Variants in RBFOX1 observed in about 807,000 individuals in gnomAD.
RBFOX1 encodes RNA binding fox-1 homolog 1.
A neutral mutation model predicts 57.7 loss-of-function variants in RBFOX1; 8 were observed. That is an observed-to-expected ratio of 0.14 (90% CI 0.08 to 0.25). The LOEUF is 0.25. Among genes scored for constraint, RBFOX1 ranks in the 10% least tolerant of loss-of-function variants. The pLI is 1.00. For missense variants in RBFOX1, 611 were observed against 548.5 expected (o/e 1.11, Z -1.14); for synonymous variants, 326 against 222.4 (o/e 1.47, Z -4.15).
chr16:6,210,752 G>T (rs912655949), intron 1 of RBFOX1, among the ~76,000 whole-genome samples: 2 of 151,886 alleles, frequency 1.3e-5, no homozygotes, highest in Admixed American at 6.6e-5. Context: ...GAAAAGAAAA[G>T]AAAAAAATTA....
At chr16:5,925,004 T>A (rs189849918) in intron 4 of RBFOX1, among the ~76,000 whole-genome samples, 74 of 152,264 alleles carry the variant, frequency 4.9e-4, no homozygotes, top group African/African-American at 1.7e-3. Context: ...TAGTTAGAAA[T>A]TGAGGGTCAT....
At chr16:6,674,782 G>T (rs537022131) in intron 3 of RBFOX1, among the ~76,000 whole-genome samples, 1 of 152,194 alleles carries the variant, frequency 6.6e-6, no homozygotes. Context: ...GGCAAGGAAG[G>T]ATTCTTTCCT....
intron 3 of RBFOX1, among the ~76,000 whole-genome samples, chr16:5,642,662 C>G (rs1000186186): frequency 1.3e-5 from 2 of 152,112 alleles, no homozygotes; most frequent in Admixed American, 6.5e-5. Flanking sequence ...TAGAAGCTGG[C>G]TAGCCGATGA....
intron 2 of RBFOX1, among the ~76,000 whole-genome samples, chr16:6,417,329 C>T (rs1447455363): frequency 1.3e-5 from 2 of 150,584 alleles, no homozygotes; most frequent in Non-Finnish European, 3.0e-5. Flanking sequence ...CCTTTCTTTC[C>T]CTTTCCATCG....
intron 2 of RBFOX1, among the ~76,000 whole-genome samples, chr16:6,454,595 C>T (rs572299608): frequency 1.3e-5 from 2 of 152,198 alleles, no homozygotes; most frequent in African/African-American, 4.8e-5. Context: ...AAACAAAAAA[C>T]ACCTTAAACA....
At chr16:6,146,758 C>T (rs2152713739) in intron 1 of RBFOX1, among the ~76,000 whole-genome samples, 1 of 152,206 alleles carries the variant, frequency 6.6e-6, no homozygotes, top group African/African-American at 2.4e-5. Flanking sequence ...TTTACTGAAC[C>T]TTCCGGAGTG....
chr16:6,024,766 G>C lies in RBFOX1; in HGVS notation c.-127+4774G>C, dbSNP rs141577488. ...CTCAAAGTGCTAGGATTACAGGCGT[G>C]AGCCACCACGCCCAGCCTCATTCAC... On this transcript the variant is annotated intron_variant, in intron 1 of 15. Coordinates refer to ENST00000550418, the MANE Select transcript of RBFOX1 (RefSeq NM_018723.4). 2.3e-3 allele frequency among the ~76,000 whole-genome samples: 343 copies of C among 152,334 alleles called. 1 individual carries two copies. The highest frequency in any genetic ancestry group is 7.9e-3 in the African/African-American group (329 of 41,568).
chr16:6,958,131 G>GT (rs1306810553), intron 3 of RBFOX1, among the ~76,000 whole-genome samples: 24 of 152,112 alleles, frequency 1.6e-4, no homozygotes, highest in Non-Finnish European at 2.8e-4. Flanking sequence ...GATTTTGCAC[G>GT]TTTTTTGAGA....
At chr16:5,842,488 C>T (rs553165546) in intron 3 of RBFOX1, among the ~76,000 whole-genome samples, 106 of 152,296 alleles carry the variant, frequency 7.0e-4, no homozygotes, top group Non-Finnish European at 1.3e-3. Context: ...GCATGCCTGC[C>T]ACTGTGTCAT....
At chr16:5,991,055 T>C (rs1488398829) in intron 4 of RBFOX1, among the ~76,000 whole-genome samples, 1 of 152,224 alleles carries the variant, frequency 6.6e-6, no homozygotes. Flanking sequence ...GGAAAATTCT[T>C]GTGAAACAAG....
intron 3 of RBFOX1, among the ~76,000 whole-genome samples, chr16:5,758,321 A>G (rs761675304): frequency 4.6e-5 from 7 of 152,180 alleles, no homozygotes; most frequent in Non-Finnish European, 7.3e-5. Context: ...TCTCGGCTCT[A>G]TTATAACAGT....
intron 3 of RBFOX1, among the ~76,000 whole-genome samples, chr16:6,850,812 T>C (rs1215163444): frequency 6.6e-6 from 1 of 152,214 alleles, no homozygotes; most frequent in East Asian, 1.9e-4. Flanking sequence ...GAAAATCATC[T>C]CTCATTTTCT....
At chr16:6,582,460 A>AT (rs1567765783) in intron 2 of RBFOX1, among the ~76,000 whole-genome samples, 26 of 11,624 alleles carry the variant, frequency 2.2e-3, no homozygotes, top group Non-Finnish European at 5.4e-3. Flanking sequence ...TGTTAGCGCC[A>AT]ATTTTTTTTT....
intron 4 of RBFOX1, among the ~76,000 whole-genome samples, chr16:7,132,427 TACACAGACAC>T (rs1172838329): frequency 2.3e-5 from 3 of 128,288 alleles, no homozygotes; most frequent in East Asian, 2.2e-4. Flanking sequence ...GAAATTGTGA[TACACAGACAC>T]ACACACACAC....
At chr16:5,295,504 G>A (rs147306555) in intron 1 of RBFOX1, among the ~76,000 whole-genome samples, 201 of 152,288 alleles carry the variant, frequency 1.3e-3, no homozygotes, top group African/African-American at 4.6e-3. Flanking sequence ...TCATCTGGAG[G>A]CTTGACGGGT....
intron 4 of RBFOX1, among the ~76,000 whole-genome samples, chr16:7,243,214 A>G (rs1179993556): frequency 2.0e-5 from 3 of 152,182 alleles, no homozygotes; most frequent in African/African-American, 4.8e-5. Context: ...CTACGTGCCA[A>G]CAACTACTCC....
At chr16:6,969,047 C>G (rs924959460) in intron 3 of RBFOX1, among the ~76,000 whole-genome samples, 4 of 152,092 alleles carry the variant, frequency 2.6e-5, no homozygotes, top group Admixed American at 2.6e-4. Flanking sequence ...GTAGTTAATA[C>G]AGTTCCCATC....
intron 1 of RBFOX1, among the ~76,000 whole-genome samples, chr16:5,267,553 C>T (rs1313327505): frequency 6.6e-6 from 1 of 152,026 alleles, no homozygotes; most frequent in Admixed American, 6.6e-5. Flanking sequence ...CCACCTCAGC[C>T]TCCTAAAGTG....
intron 4 of RBFOX1, among the ~76,000 whole-genome samples, chr16:7,096,630 C>T (rs1046076532): frequency 2.6e-5 from 4 of 151,974 alleles, no homozygotes; most frequent in Non-Finnish European, 5.9e-5. Flanking sequence ...GTGGACTTAG[C>T]CCCAGTAAAA....
Sources: allele counts gnomAD v4.1 joint callset (sites outside exome capture counted in the v4.1 genomes callset), GRCh38; gene constraint gnomAD v4.1.1; transcripts MANE v1.5; gene names NCBI Gene and HGNC (gene_info 2026-07-23, HGNC 2026-07-21).